The following ADCY1 variants were observed in gnomAD, a reference collection of about 807,000 sequenced individuals.
The protein encoded by ADCY1 is adenylate cyclase 1.
A neutral mutation model predicts 105.4 loss-of-function variants in ADCY1; 28 were observed. The ratio of observed to expected loss-of-function variants is 0.27; its 90% CI spans 0.20 to 0.36. The LOEUF is 0.36. Among genes scored for constraint, ADCY1 ranks in the 10% least tolerant of loss-of-function variants. The pLI, the probability that ADCY1 is intolerant of heterozygous loss-of-function variation, is 1.00. For missense variants in ADCY1, 977 were observed against 1,434.2 expected, an observed-to-expected ratio of 0.68 and a Z score of 5.15; for synonymous variants, 655 against 623.8, an observed-to-expected ratio of 1.05 and a Z score of -0.75.
In ADCY1 at chr7:45,708,518, C is replaced by T; in HGVS notation, c.2932+54C>T. ...TCCATGTGGAACACCTTCCTACACC[C>T]ACCTAGGGGTGGGATCAGCTGATGA... On this transcript the variant is annotated intron_variant, in intron 18 of 19. Coordinates refer to ENST00000297323, the MANE Select transcript of ADCY1 (RefSeq NM_021116.4). The surrounding 1 kb of genome is among the most constrained non-coding windows in gnomAD (Gnocchi z 4.7). 7.2e-7 allele frequency: 1 copy of T among 1,387,558 alleles called. No individual in the cohort carries two copies. The highest frequency in any genetic ancestry group is 1.0e-6 in the Non-Finnish European group (1 of 978,020). 86.0% of individuals were successfully genotyped at this position (1,387,558 alleles called of 1,614,324 possible).
intron 3 of ADCY1, among the ~76,000 whole-genome samples, chr7:45,611,063 G>T: frequency 6.6e-6 from 1 of 152,188 alleles, no homozygotes; most frequent in Admixed American, 6.5e-5. Context: ...AAGTGAGGAG[G>T]TGATAGTGGA....
At chr7:45,693,426 T>G (rs1478032691) in intron 14 of ADCY1, among the ~76,000 whole-genome samples, 1 of 144,332 alleles carries the variant, frequency 6.9e-6, no homozygotes, top group Non-Finnish European at 1.5e-5. Context: ...CTCCTCCTTG[T>G]ACCTCTGGTA....
intron 1 of ADCY1, among the ~76,000 whole-genome samples, chr7:45,589,888 G>A (rs1445226039): frequency 6.6e-6 from 1 of 152,114 alleles, no homozygotes; most frequent in East Asian, 1.9e-4. Context: ...GAAGCTTCCA[G>A]TGGGAGTGTT....
At chr7:45,628,883 T>A (rs575742276) in intron 4 of ADCY1, among the ~76,000 whole-genome samples, 282 of 152,202 alleles carry the variant, frequency 1.9e-3, no homozygotes, top group African/African-American at 6.7e-3. Context: ...CATGAGGAGC[T>A]CTTCTTCCTG....
At chr7:45,706,783 T>C (rs1562733466) in intron 17 of ADCY1, among the ~76,000 whole-genome samples, 1 of 152,090 alleles carries the variant, frequency 6.6e-6, no homozygotes, top group Admixed American at 6.5e-5. Flanking sequence ...CACAGATTAG[T>C]AGAAAATCTT....
intron 4 of ADCY1, among the ~76,000 whole-genome samples, chr7:45,626,138 C>T (rs937086529): frequency 6.6e-5 from 10 of 152,170 alleles, no homozygotes; most frequent in African/African-American, 1.2e-4. Flanking sequence ...GGTTACGTAT[C>T]GTTTCTGTTG....
At position 45,710,739 on chromosome 7, in the gene ADCY1, A is replaced by G. The variant is rs1177580571; in HGVS notation, c.3057+87A>G. 27 of 1,493,260 alleles carry G rather than the reference A, an allele frequency of 1.8e-5. No individual in the cohort carries two copies. Among genetic ancestry groups the G allele is most frequent in the Non-Finnish European group, 2.4e-5 (27 of 1,113,936 alleles). 92.5% of individuals were successfully genotyped at this position (1,493,260 alleles called of 1,614,324 possible). ...CACAGGGGGCCAGAATTGAATCCCCAGTCTACAGCCCGTAAGTGGCAGGGC... is the reference window on the plus strand; with the variant it reads ...CACAGGGGGCCAGAATTGAATCCCCGGTCTACAGCCCGTAAGTGGCAGGGC... On this transcript the variant is annotated intron_variant, in intron 19 of 19. Coordinates refer to ENST00000297323, the MANE Select transcript of ADCY1 (RefSeq NM_021116.4). The surrounding 1 kb of genome is among the most constrained non-coding windows in gnomAD (Gnocchi z 4.7).
chr7:45,618,411 AAGGAAACAATCAAC>A (rs1170612230), intron 3 of ADCY1, among the ~76,000 whole-genome samples: 2 of 152,242 alleles, frequency 1.3e-5, no homozygotes, highest in Non-Finnish European at 2.9e-5. Context: ...CTGCACAACA[AAGGAAACAATCAAC>A]AGAGTGAATA....
At chr7:45,634,630 C>T (rs1201676596) in intron 4 of ADCY1, among the ~76,000 whole-genome samples, 3 of 152,270 alleles carry the variant, frequency 2.0e-5, no homozygotes, top group African/African-American at 7.2e-5. Flanking sequence ...GATAGTTTGA[C>T]ATATGCTGTT....
intron 14 of ADCY1, among the ~76,000 whole-genome samples, chr7:45,690,457 C>T (rs57976491): frequency 4.0e-4 from 61 of 152,176 alleles, no homozygotes; most frequent in Non-Finnish European, 6.5e-4. Flanking sequence ...GCAGCCAGTC[C>T]GCAGCAACCA....
Position 45,678,019 on chromosome 7 carries a change from A to T in ADCY1, c.1756A>T (p.Asn586Tyr), listed in dbSNP as rs1410625457. The change falls in exon 9 of 20, where the codon AAC becomes TAC. Residue 586 changes from asparagine (N) to tyrosine (Y), a missense_variant. Asn to Tyr is a moderately radical substitution (Grantham distance 143). Around this residue, in one of 7 missense-constraint regions of ADCY1, gnomAD observed 275 missense variants for 362.1 expected, o/e 0.76. Coordinates refer to ENST00000297323, the MANE Select transcript of ADCY1 (RefSeq NM_021116.4). ...GACAGAGCTGGAGATGGCAGACCTG[A>T]ACTTCTTTACCCTGAAGTACAAACA... Reference protein sequence around the residue: ...RQTELEMADLNFFTLKYKHVE... With the variant: ...RQTELEMADLYFFTLKYKHVE... The T allele has an allele frequency of 6.2e-6, 10 of 1,614,036 alleles. No individual in the cohort carries two copies. The highest frequency in any genetic ancestry group is 8.5e-6 in the Non-Finnish European group (10 of 1,180,034).
At chr7:45,704,702 T>G in intron 17 of ADCY1, 86 bp downstream of exon 17, 1 of 1,084,008 alleles carries the variant, frequency 9.2e-7, no homozygotes, top group South Asian at 1.4e-5. Flanking sequence ...GCTTCCACAC[T>G]GGGGTTTGTT....
chr7:45,708,506 C>T lies in ADCY1; in HGVS notation c.2932+42C>T. ...CTATCCTGTCCATCCATGTGGAACA[C>T]CTTCCTACACCCACCTAGGGGTGGG... On this transcript the variant is annotated intron_variant, in intron 18 of 19. Transcript: ENST00000297323. The surrounding 1 kb of genome is among the most constrained non-coding windows in gnomAD (Gnocchi z 4.7). The T allele has an allele frequency of 6.9e-7, 1 of 1,447,600 alleles. No homozygotes were observed. The highest frequency in any genetic ancestry group is 9.7e-7 in the Non-Finnish European group (1 of 1,030,396). The allele number at this position is 1,447,600 out of a possible 1,614,324, so 89.7% of individuals were successfully genotyped here.
chr7:45,691,708 T>C (rs1333025336), intron 14 of ADCY1, among the ~76,000 whole-genome samples: 2 of 152,258 alleles, frequency 1.3e-5, no homozygotes. Context: ...AACTTATTTC[T>C]CTACCAATAA....
chr7:45,673,191 G>A (rs1784395603), intron 8 of ADCY1, among the ~76,000 whole-genome samples: 1 of 146,630 alleles, frequency 6.8e-6, no homozygotes, highest in South Asian at 2.1e-4. Flanking sequence ...CTAATATTTT[G>A]TTAGATTTTT....
chr7:45,646,907 C>T (rs1794678373), intron 4 of ADCY1, among the ~76,000 whole-genome samples: 1 of 152,256 alleles, frequency 6.6e-6, no homozygotes. Flanking sequence ...CTGCCGGGCC[C>T]TCACAGAGCA....
intron 4 of ADCY1, among the ~76,000 whole-genome samples, chr7:45,627,971 A>G (rs1794111328): frequency 6.6e-6 from 1 of 152,176 alleles, no homozygotes; most frequent in South Asian, 2.1e-4. Context: ...CCCACTTCGC[A>G]TATGCACAGC....
rs1792907576 is a variant in ADCY1 at position 45,591,248 on chromosome 7, G to C, written c.640-1511G>C. On this transcript the variant is annotated intron_variant, in intron 1 of 19. Coordinates refer to ENST00000297323, the MANE Select transcript of ADCY1 (RefSeq NM_021116.4). The surrounding 1 kb of genome is among the most constrained non-coding windows in gnomAD (Gnocchi z 4.1). ...CTCTCCTACCTGCTCCTCAGCCCCA[G>C]CATCCAGTAGGTGGCCAGGAGCTGC... is the stretch of plus-strand genomic sequence containing the variant. Among the ~76,000 whole-genome samples, 1 of 152,136 alleles carries C rather than the reference G, an allele frequency of 6.6e-6. No homozygotes were observed. Among genetic ancestry groups the C allele is most frequent in the South Asian group, 2.1e-4 (1 of 4,820 alleles).
chr7:45,610,872 G>A (rs1185953322), intron 3 of ADCY1, among the ~76,000 whole-genome samples: 10 of 149,730 alleles, frequency 6.7e-5, no homozygotes, highest in South Asian at 2.1e-4. Context: ...AGATGATGGT[G>A]GAGGTGGGAA....
Sources: allele counts gnomAD v4.1 joint callset (sites outside exome capture counted in the v4.1 genomes callset), GRCh38; gene constraint gnomAD v4.1.1; regional missense constraint gnomAD v4.1.1; non-coding constraint Gnocchi (gnomAD v3.1); transcripts MANE v1.5; gene names NCBI Gene and HGNC (gene_info 2026-07-23, HGNC 2026-07-21).